UNC45A: variants seen among roughly 807,000 people sequenced by gnomAD.
The protein encoded by UNC45A is unc-45 myosin chaperone A, also known as protein unc-45 homolog A.
A neutral mutation model predicts 103.2 loss-of-function variants in UNC45A; 78 were observed. The observed-to-expected ratio is 0.76, with a 90% confidence interval of 0.63 to 0.91. The LOEUF is 0.91. Ranked by LOEUF, UNC45A falls within the 40% of genes least tolerant of loss-of-function variation. UNC45A has a pLI of 0.00. For missense variants in UNC45A, 1,193 were observed against 1,224.8 expected, an observed-to-expected ratio of 0.97 and a Z score of 0.39; for synonymous variants, 495 against 504.6, an observed-to-expected ratio of 0.98 and a Z score of 0.25.
chr15:90,949,665 CT>C lies in UNC45A; in HGVS notation c.2021del (p.Leu674Ter), dbSNP rs2036782752. 1 of 1,614,032 alleles carries C rather than the reference CT, an allele frequency of 6.2e-7. No homozygotes were observed. The highest frequency in any genetic ancestry group is 1.3e-5 in the African/African-American group (1 of 74,922). ...CCTTCTCCCCACAGGGTCTTCTTGG[CT>C]TTAGTGGAAGAGGTAGAGGACCGAG... ...CRELLSRVFL[A>X]LVEEVEDRGT... On this transcript the variant is annotated frameshift_variant, in exon 15 of 20. Transcript: ENST00000418476. LOFTEE classifies it high-confidence loss of function.
rs765566784 is a variant in UNC45A at position 90,942,503 on chromosome 15, G to C, written c.754G>C (p.Ala252Pro). 6.2e-7 allele frequency: 1 copy of C among 1,614,048 alleles called. No individual in the cohort carries two copies. The change falls in exon 7 of 20, where the codon GCT (alanine) becomes CCT (proline). Residue 252 changes from alanine to proline, a missense_variant. Ala to Pro is a conservative substitution (Grantham distance 27). Coordinates refer to ENST00000418476, the MANE Select transcript of UNC45A (RefSeq NM_018671.5). The stretch of plus-strand genomic sequence containing the variant: ...CTCCATCCTGGGCGTGGAAAGCCAG[G>C]CTGTGTCCCTGGCTGCCTGCCACCT... Reference protein sequence around the residue: ...VVSILGVESQAVSLAACHLLQ... With the variant: ...VVSILGVESQPVSLAACHLLQ...
intron 9 of UNC45A, among the ~76,000 whole-genome samples, chr15:90,945,966 T>TAACA (rs1465323564): frequency 6.6e-6 from 1 of 151,122 alleles, no homozygotes; most frequent in Non-Finnish European, 1.5e-5. Context: ...AAGGAGATTA[T>TAACA]AGGCCAGGTG....
chr15:90,953,446 G>GT lies in UNC45A; in HGVS notation c.2578-8dup. 1 of 1,612,894 alleles carries GT rather than the reference G, an allele frequency of 6.2e-7. No homozygotes were observed. The highest frequency in any genetic ancestry group is 8.5e-7 in the Non-Finnish European group (1 of 1,179,918). ...GTTGCCCAGGGGTCATATCTACCCTGTTTTTCTCACAGACCACACACTGGC... is the reference window on the plus strand; with the variant it reads ...GTTGCCCAGGGGTCATATCTACCCTGTTTTTTCTCACAGACCACACACTGGC... On this transcript the variant is annotated splice_polypyrimidine_tract_variant and intron_variant, in intron 19 of 19. Transcript: ENST00000418476.
chr15:90,948,734 C>A lies in UNC45A; in HGVS notation c.1818C>A (p.Asp606Glu), dbSNP rs199723045. Residue 606 changes from aspartate (D) to glutamate (E), a missense_variant, in exon 13 of 20, where the codon GAC (aspartate) becomes GAA (glutamate). Transcript: ENST00000418476. ...ACAGCTATGACTACGAGGAGCCCGA[C>A]CCCAAGATGGTGGAGCTGGCCAAGT... ...CTNSYDYEEP[D>E]PKMVELAKYA... 447 of 1,613,848 alleles carry A rather than the reference C, an allele frequency of 2.8e-4. 1 individual carries two copies. Among genetic ancestry groups the A allele is most frequent in the Middle Eastern group, 3.3e-4 (2 of 6,036 alleles).
chr15:90,934,132 CCT>C (rs1313492863), upstream of UNC45A: 4 of 399,018 alleles, frequency 1.0e-5, no homozygotes, highest in Non-Finnish European at 1.3e-5. Context: ...GTCCAGCCAA[CCT>C]CTCTCTCAGG....
chr15:90,940,777 G>A (rs898777058), intron 6 of UNC45A: 5 of 184,982 alleles, frequency 2.7e-5, no homozygotes, highest in Middle Eastern at 2.4e-3. Flanking sequence ...GCCGGGCATG[G>A]TAGTGCACGC....
upstream of UNC45A, chr15:90,932,019 C>CA: frequency 1.2e-6 from 2 of 1,614,066 alleles, no homozygotes; most frequent in Non-Finnish European, 1.7e-6. Flanking sequence ...CCCTAATCCC[C>CA]ATCCCAGGCT....
intron 4 of UNC45A, among the ~76,000 whole-genome samples, chr15:90,938,134 T>C (rs1049384047): frequency 6.6e-6 from 1 of 152,226 alleles, no homozygotes; most frequent in Non-Finnish European, 1.5e-5. Context: ...TTCAGGAAAA[T>C]ATTTTAAAAG....
chr15:90,942,130 G>A (rs1443186047), intron 6 of UNC45A, among the ~76,000 whole-genome samples: 1 of 152,116 alleles, frequency 6.6e-6, no homozygotes, highest in East Asian at 1.9e-4. Flanking sequence ...CTAGGTATAG[G>A]TCTTTTTCTT....
At position 90,943,986 on chromosome 15, in the gene UNC45A, G is replaced by GTTTTTTTT. The variant is rs953436599; in HGVS notation, c.1028-888_1028-881dup. On this transcript the variant is annotated intron_variant, in intron 8 of 19. Transcript: ENST00000418476. The stretch of plus-strand genomic sequence containing the variant: ...TTACCGTCATGAGCCATTGTGCCCT[G>GTTTTTTTT]TTTTTTTTTTTTTTTTTTTTTTTTT... Among the ~76,000 whole-genome samples, 626 of 78,326 alleles carry GTTTTTTTT rather than the reference G, an allele frequency of 8.0e-3. 3 individuals are homozygous for GTTTTTTTT. The highest frequency in any genetic ancestry group is 0.028 in the East Asian group (66 of 2,316). The allele number at this position is 78,326 out of a possible 152,430, so 51.4% of individuals were successfully genotyped here.
intron 1 of UNC45A, 54 bp downstream of exon 1, chr15:90,935,429 T>C: frequency 6.3e-7 from 1 of 1,580,186 alleles, no homozygotes; most frequent in South Asian, 1.1e-5. Context: ...TGACCATCCC[T>C]GGCCTCCTTC....
chr15:90,936,261 G>T, intron 3 of UNC45A, 24 bp from the exon 4 acceptor site: 1 of 1,601,576 alleles, frequency 6.2e-7, no homozygotes, highest in South Asian at 1.1e-5. Flanking sequence ...CATGGGTGCT[G>T]ACAGCGCTCC....
intron 10 of UNC45A, 26 bp downstream of exon 10, chr15:90,946,940 G>T: frequency 6.5e-7 from 1 of 1,544,636 alleles, no homozygotes; most frequent in South Asian, 1.2e-5. Flanking sequence ...TGGGGTGGGT[G>T]GGCAGGCAGC....
chr15:90,953,647 GGCT>G lies in UNC45A; in HGVS notation c.2772_2774del (p.Ala926del). 6.2e-7 allele frequency: 1 copy of G among 1,614,120 alleles called. No individual in the cohort carries two copies. Among genetic ancestry groups the G allele is most frequent in the Non-Finnish European group, 8.5e-7 (1 of 1,180,026 alleles). ...AGGGTGACCACAGCCCTGTCACAAG[GGCT>G]GCTGCAGCCTGCCTGGACAAAGCAG... On this transcript the variant is annotated inframe_deletion, in exon 20 of 20. Coordinates refer to ENST00000418476, the MANE Select transcript of UNC45A (RefSeq NM_018671.5).
intron 10 of UNC45A, chr15:90,947,562 T>A (rs541245011): frequency 7.1e-6 from 4 of 565,206 alleles, no homozygotes; most frequent in Admixed American, 3.0e-5. Flanking sequence ...CCCACGACTG[T>A]CCAGCGGCCA....
chr15:90,936,095 C>CT lies in UNC45A; in HGVS notation c.250+115dup, dbSNP rs1596208391. 4 of 1,549,656 alleles carry CT rather than the reference C, an allele frequency of 2.6e-6. No individual in the cohort carries two copies. In the East Asian group the frequency reaches 9.0e-5, roughly 35 times the overall value. On this transcript the variant is annotated intron_variant, in intron 3 of 19. Coordinates refer to ENST00000418476, the MANE Select transcript of UNC45A (RefSeq NM_018671.5). ...CCTTTGGCCCCAGAGACACATCTGCCTTCTTTCTTTCCCACTGCCTCGGGC... is the reference window on the plus strand; with the variant it reads ...CCTTTGGCCCCAGAGACACATCTGCCTTTCTTTCTTTCCCACTGCCTCGGGC...
chr15:90,949,749 T>C (rs2036788475), intron 15 of UNC45A, 29 bp downstream of exon 15: 2 of 1,611,446 alleles, frequency 1.2e-6, no homozygotes, highest in Admixed American at 1.7e-5. Flanking sequence ...CCCTTCCTGA[T>C]GGCTGAGCCA....
chr15:90,936,174 C>T (rs1182750952), intron 3 of UNC45A, 111 bp from the exon 4 acceptor site: 2 of 1,524,540 alleles, frequency 1.3e-6, no homozygotes, highest in East Asian at 2.3e-5. Context: ...CACCGAGCCC[C>T]ACATTCGTCC....
At chr15:90,938,050 G>C (rs2036109653) in intron 4 of UNC45A, among the ~76,000 whole-genome samples, 1 of 152,158 alleles carries the variant, frequency 6.6e-6, no homozygotes, top group South Asian at 2.1e-4. Context: ...ACTCACCTCA[G>C]CCTCCCAACT....
Sources: gnomAD v4.1 joint callset for allele counts (sites outside exome capture counted in the v4.1 genomes callset) on GRCh38, gnomAD v4.1.1 for gene constraint, MANE v1.5 for transcripts, NCBI Gene and HGNC (gene_info 2026-07-23, HGNC 2026-07-21) for gene names.